Variants in TMCO6 observed in about 807,000 individuals in gnomAD.
TMCO6 encodes transmembrane and coiled-coil domains 6.
A neutral mutation model predicts 61.8 loss-of-function variants in TMCO6; 47 were observed. That is an observed-to-expected ratio of 0.76 (90% CI 0.60 to 0.97). The LOEUF (loss-of-function observed/expected upper bound fraction) is 0.97. TMCO6 is among the 50% of genes least tolerant of loss of function. TMCO6 has a pLI of 0.00. For synonymous variants in TMCO6, 261 were observed against 254.2 expected (o/e 1.03, Z -0.25); for missense variants, 557 against 601.6 (o/e 0.93, Z 0.78).
At position 140,645,387 on chromosome 5, in the gene TMCO6, G is replaced by A; in HGVS notation, c.*289G>A. On this transcript the variant is annotated 3_prime_UTR_variant, in exon 12 of 12. Coordinates refer to ENST00000394671, the MANE Select transcript of TMCO6 (RefSeq NM_018502.5). ...GTAGCTTTTGATGAGACAGAATAAAGTTTTATTTTTATATTAAGCTACTTT... is the reference window on the plus strand; with the variant it reads ...GTAGCTTTTGATGAGACAGAATAAAATTTTATTTTTATATTAAGCTACTTT... 1 of 811,126 alleles carries A rather than the reference G, an allele frequency of 1.2e-6. No homozygotes were observed. The highest frequency in any genetic ancestry group is 2.1e-6 in the Non-Finnish European group (1 of 486,964). 50.2% of individuals were successfully genotyped at this position (811,126 alleles called of 1,614,324 possible).
chr5:140,642,809 A>G, intron 6 of TMCO6, 116 bp from the exon 7 acceptor site: 1 of 1,596,728 alleles, frequency 6.3e-7, no homozygotes, highest in Non-Finnish European at 8.6e-7. Flanking sequence ...GGGTTTGGAC[A>G]CTTTCCCATC....
chr5:140,644,450 G>T (rs1406217433), intron 10 of TMCO6, 123 bp from the exon 11 acceptor site: 5 of 1,183,594 alleles, frequency 4.2e-6, no homozygotes. Context: ...AGGAGTATGA[G>T]AACATGTATG....
chr5:140,635,646 A>T (rs191344407), upstream of TMCO6, among the ~76,000 whole-genome samples: 81 of 152,344 alleles, frequency 5.3e-4, no homozygotes, highest in African/African-American at 1.9e-3. Context: ...GGACACAGAC[A>T]TGACAAAGAC....
At chr5:140,636,583 A>G (rs1483674287), upstream of TMCO6, among the ~76,000 whole-genome samples, 1 of 152,144 alleles carries the variant, frequency 6.6e-6, no homozygotes, top group Non-Finnish European at 1.5e-5. Context: ...TTGCATGAGG[A>G]AGGGCTCAAG....
downstream of TMCO6, chr5:140,645,527 A>G: frequency 6.2e-7 from 1 of 1,601,860 alleles, no homozygotes; most frequent in Non-Finnish European, 8.5e-7. Flanking sequence ...TTTTCACATT[A>G]TACTAAGTCC....
At chr5:140,630,691 G>C in the TMCO6 span, among the ~76,000 whole-genome samples, 1 of 152,228 alleles carries the variant, frequency 6.6e-6, no homozygotes, top group African/African-American at 2.4e-5. Flanking sequence ...AAGGCCCCTT[G>C]GGGACATTCC....
the TMCO6 span, among the ~76,000 whole-genome samples, chr5:140,599,490 A>T: frequency 2.0e-5 from 3 of 152,196 alleles, no homozygotes; most frequent in East Asian, 3.8e-4. Context: ...CTATAAGGTA[A>T]GTTGTTTTTA....
the TMCO6 span, among the ~76,000 whole-genome samples, chr5:140,614,927 C>T: frequency 8.5e-5 from 13 of 152,138 alleles, no homozygotes; most frequent in Non-Finnish European, 1.9e-4. Context: ...CTTCTTTTAA[C>T]ATAGCACTGT....
chr5:140,614,401 G>C, the TMCO6 span, among the ~76,000 whole-genome samples: 1 of 151,914 alleles, frequency 6.6e-6, no homozygotes, highest in Non-Finnish European at 1.5e-5. Flanking sequence ...CCAGCTACTT[G>C]GGAGGCTGAA....
chr5:140,624,373 G>GAATA, the TMCO6 span, among the ~76,000 whole-genome samples: 26 of 150,812 alleles, frequency 1.7e-4, no homozygotes, highest in Middle Eastern at 6.8e-3. Context: ...CAAAATAAAT[G>GAATA]AATAAATAAA....
At chr5:140,647,669 T>C, downstream of TMCO6, 1 of 1,522,178 alleles carries the variant, frequency 6.6e-7, no homozygotes, top group Non-Finnish European at 8.9e-7. Context: ...GCCTAGCCCA[T>C]AGGCTGCATG....
the TMCO6 span, among the ~76,000 whole-genome samples, chr5:140,611,028 G>A: frequency 8.5e-5 from 13 of 152,196 alleles, no homozygotes; most frequent in African/African-American, 3.1e-4. Flanking sequence ...ATTTTCAGAT[G>A]TTAAACCTGT....
Position 140,643,002 on chromosome 5 carries a change from C to T in TMCO6, c.767C>T (p.Ala256Val). The change falls in exon 7 of 12, where the codon GCT (alanine) becomes GTT (valine). Residue 256 changes from alanine (A) to valine (V), a missense_variant. Ala to Val is a moderately conservative substitution (Grantham distance 64). Transcript: ENST00000394671. ...QPGPKLNPGV[A>V]VEFAWCLHYI... ...GGCCCAAAGCTCAACCCTGGGGTCG[C>T]TGTGGAGTTTGCCTGGTGCCTTCAT... 6.2e-7 allele frequency: 1 copy of T among 1,614,240 alleles called. No individual in the cohort carries two copies. The highest frequency in any genetic ancestry group is 8.5e-7 in the Non-Finnish European group (1 of 1,180,042).
chr5:140,608,288 C>A, the TMCO6 span, among the ~76,000 whole-genome samples: 2 of 152,150 alleles, frequency 1.3e-5, no homozygotes, highest in Non-Finnish European at 2.9e-5. Context: ...GACTTTCAGG[C>A]ATTTGTGTGC....
chr5:140,642,478 C>G (rs1339306309), intron 5 of TMCO6, 59 bp downstream of exon 5: 2 of 1,603,720 alleles, frequency 1.2e-6, no homozygotes, highest in Non-Finnish European at 1.7e-6. Context: ...CATGCTCCAT[C>G]TACTTTGGTT....
At chr5:140,647,366 C>T (rs1757464694), downstream of TMCO6, 3 of 1,610,588 alleles carry the variant, frequency 1.9e-6, no homozygotes, top group Non-Finnish European at 2.5e-6. Flanking sequence ...GAAGTCCCTG[C>T]GGGGCCGGAG....
At position 140,639,816 on chromosome 5, in the gene TMCO6, G is replaced by C; in HGVS notation, c.163G>C (p.Glu55Gln). The C allele has an allele frequency of 6.2e-7, 1 of 1,609,914 alleles. No homozygotes were observed. Among genetic ancestry groups the C allele is most frequent in the Non-Finnish European group, 8.5e-7 (1 of 1,178,696 alleles). Residue 55 changes from glutamate to glutamine, a missense_variant, in exon 2 of 12, where the codon GAG (glutamate) becomes CAG (glutamine). Glu to Gln is a conservative substitution (Grantham distance 29). Transcript: ENST00000394671. ...LRNDAPEEAG[E>Q]GCVAAILGET... ...AAACGACGCCCCAGAGGAAGCTGGA[G>C]AGGGATGTGTGGCTGCGATCCTCGG... is the stretch of plus-strand genomic sequence containing the variant.
the TMCO6 span, chr5:140,632,764 C>T: frequency 1.2e-6 from 2 of 1,613,416 alleles, no homozygotes. The surrounding 1 kb of genome is among the most constrained non-coding windows in gnomAD (Gnocchi z 6.2). Flanking sequence ...GCGTCCGCAT[C>T]GACGCGCTTT....
At chr5:140,618,052 T>C in the TMCO6 span, among the ~76,000 whole-genome samples, 1 of 152,088 alleles carries the variant, frequency 6.6e-6, no homozygotes, top group Admixed American at 6.6e-5. Flanking sequence ...CAGTATGGTA[T>C]TGGTGAAGAA....
Sources: gnomAD v4.1 joint callset for allele counts (sites outside exome capture counted in the v4.1 genomes callset) on GRCh38, gnomAD v4.1.1 for gene constraint, Gnocchi (gnomAD v3.1) non-coding constraint, MANE v1.5 for transcripts, NCBI Gene and HGNC (gene_info 2026-07-23, HGNC 2026-07-21) for gene names.